Variants in ADCY10 observed in about 807,000 individuals in gnomAD.
ADCY10 encodes adenylate cyclase type 10.
In ADCY10, 156 loss-of-function variants were observed where a neutral mutation model predicts 183.3. The observed-to-expected ratio is 0.85, with a 90% CI of 0.75 to 0.97. The LOEUF (loss-of-function observed/expected upper bound fraction) is 0.97, where lower values mean the gene tolerates loss of function less well. Ranked by LOEUF, ADCY10 falls within the 50% of genes least tolerant of loss-of-function variation. The probability of loss-of-function intolerance (pLI) is 0.00; values close to 1 mark genes in which losing one functional copy is unlikely to be tolerated. For synonymous variants in ADCY10, 645 were observed against 670.0 expected (o/e 0.96, Z 0.58); for missense variants, 1,745 against 1,934.3 (o/e 0.90, Z 1.84).
intron 31 of ADCY10, among the ~76,000 whole-genome samples, chr1:167,816,094 A>G (rs1662513852): frequency 6.6e-6 from 1 of 152,012 alleles, no homozygotes. Flanking sequence ...GGAAAGTAAC[A>G]TCAGAAATAC....
chr1:167,830,122 C>T (rs1486040618), intron 25 of ADCY10, among the ~76,000 whole-genome samples: 6 of 152,160 alleles, frequency 3.9e-5, no homozygotes, highest in Non-Finnish European at 5.9e-5. Context: ...CCTTATCCTA[C>T]CTTAAGTGCC....
At chr1:167,843,042 T>C (rs1664769936) in intron 21 of ADCY10, among the ~76,000 whole-genome samples, 1 of 152,174 alleles carries the variant, frequency 6.6e-6, no homozygotes, top group African/African-American at 2.4e-5. Context: ...TCTGAACAGG[T>C]GAAAAATTCT....
intron 14 of ADCY10, among the ~76,000 whole-genome samples, chr1:167,866,158 G>A (rs537658573): frequency 2.0e-5 from 3 of 152,152 alleles, no homozygotes; most frequent in Non-Finnish European, 2.9e-5. Flanking sequence ...GCACTCTGCC[G>A]AATAACTGGA....
chr1:167,832,951 A>T (rs1403996498), intron 25 of ADCY10, 36 bp downstream of exon 25: 4 of 1,606,692 alleles, frequency 2.5e-6, no homozygotes, highest in Non-Finnish European at 3.4e-6. Flanking sequence ...GGGGAGTGAG[A>T]CTAAACAGTC....
chr1:167,852,516 A>C (rs1009018664), intron 18 of ADCY10, among the ~76,000 whole-genome samples: 2 of 152,184 alleles, frequency 1.3e-5, no homozygotes, highest in African/African-American at 4.8e-5. Flanking sequence ...AAATGTATAA[A>C]ATTTAGAAAT....
At chr1:167,912,632 G>GC (rs1056381956) in intron 1 of ADCY10, among the ~76,000 whole-genome samples, 4 of 152,134 alleles carry the variant, frequency 2.6e-5, no homozygotes, top group African/African-American at 7.2e-5. Context: ...CGGCTTTGGA[G>GC]CCCCCCTCCC....
chr1:167,888,809 G>GAGCGTGCAGTGGGCCGA (rs1668405624), intron 8 of ADCY10, among the ~76,000 whole-genome samples: 1 of 147,980 alleles, frequency 6.8e-6, no homozygotes, highest in Non-Finnish European at 1.5e-5. Context: ...CCGGGAGGCG[G>GAGCGTGCAGTGGGCCGA]AGCGTGCAGT....
At position 167,837,229 on chromosome 1, in the gene ADCY10, A is replaced by G. The variant is rs1258754316; in HGVS notation, c.3077+20T>C. On this transcript the variant is annotated intron_variant, in intron 22 of 32. Coordinates refer to ENST00000367851, the MANE Select transcript of ADCY10 (RefSeq NM_018417.6). ...CAATTATTTATGCTCTACTTCCTAA[A>G]CAATGATATATGCCTCTACCTGCGA... The G allele has an allele frequency of 6.3e-7, 1 of 1,590,638 alleles. No individual in the cohort carries two copies. The highest frequency in any genetic ancestry group is 8.6e-7 in the Non-Finnish European group (1 of 1,158,902).
chr1:167,833,583 T>C (rs1229930556), intron 24 of ADCY10, among the ~76,000 whole-genome samples: 7 of 151,820 alleles, frequency 4.6e-5, no homozygotes, highest in South Asian at 2.1e-4. Flanking sequence ...CCATCTCTAC[T>C]AAAATACAAA....
intron 13 of ADCY10, 40 bp from the exon 14 acceptor site, chr1:167,870,450 C>T (rs767375543): frequency 3.9e-6 from 6 of 1,524,088 alleles, no homozygotes; most frequent in East Asian, 2.3e-5. Flanking sequence ...ACTCAATCAA[C>T]GTAAAATAGT....
intron 31 of ADCY10, among the ~76,000 whole-genome samples, chr1:167,816,915 T>A (rs1662567159): frequency 6.6e-6 from 1 of 152,208 alleles, no homozygotes. Context: ...AAAATTTTCC[T>A]TTTCTTATTC....
chr1:167,818,028 A>C (rs1662633940), intron 31 of ADCY10, 44 bp downstream of exon 31: 1 of 1,555,598 alleles, frequency 6.4e-7, no homozygotes, highest in Admixed American at 1.7e-5. Flanking sequence ...ACAGAGATCC[A>C]TTTAAGGCAT....
At chr1:167,837,225 CT>C in intron 22 of ADCY10, 23 bp downstream of exon 22, 11 of 1,580,984 alleles carry the variant, frequency 7.0e-6, no homozygotes, top group Non-Finnish European at 9.6e-6. Flanking sequence ...GCTCTACTTC[CT>C]AAACAATGAT....
rs750025534 is a variant in ADCY10, at chr1:167,824,825, A to G, written c.3781T>C (p.Tyr1261His). The G allele has an allele frequency of 3.1e-6, 5 of 1,614,272 alleles. No individual in the cohort carries two copies. The Admixed American group carries it at 6.7e-5, about 22-fold the overall frequency. ...CCTTTGTAGCCAGCCAGGTGGTGGT[A>G]TAGCGAATAGTCTAGGTAAGCCTTA... The part of the protein sequence containing the change: ...IIKAYLDYSL[Y>H]HHLAGYKGVW... The change falls in exon 27 of 33, where the codon TAC (tyrosine) becomes CAC (histidine). Residue 1261 changes from tyrosine to histidine, a missense_variant. Tyr to His is a moderately conservative substitution (Grantham distance 83). Coordinates refer to ENST00000367851, the MANE Select transcript of ADCY10 (RefSeq NM_018417.6).
chr1:167,899,795 G>T (rs1465886197), intron 5 of ADCY10, among the ~76,000 whole-genome samples, 167 bp from the exon 6 acceptor site: 1 of 152,128 alleles, frequency 6.6e-6, no homozygotes, highest in African/African-American at 2.4e-5. Flanking sequence ...TTGGGCTCGG[G>T]CCTTCCAAAG....
intron 1 of ADCY10, among the ~76,000 whole-genome samples, chr1:167,909,100 T>C (rs145236336): frequency 1.1e-3 from 169 of 152,342 alleles, no homozygotes; most frequent in East Asian, 6.4e-3. Flanking sequence ...GTAACCTTTC[T>C]TATTTCTAAC....
chr1:167,892,756 G>T (rs184954976), intron 8 of ADCY10, among the ~76,000 whole-genome samples: 84 of 152,270 alleles, frequency 5.5e-4, no homozygotes, highest in African/African-American at 1.9e-3. Context: ...ACAGGCCTTT[G>T]TTACAAAGAT....
At chr1:167,841,286 G>A (rs1028405143) in intron 21 of ADCY10, among the ~76,000 whole-genome samples, 3 of 151,954 alleles carry the variant, frequency 2.0e-5, no homozygotes, top group African/African-American at 7.3e-5. Context: ...GTATAGAATG[G>A]AAGGGCCACG....
intron 21 of ADCY10, among the ~76,000 whole-genome samples, chr1:167,844,587 TAA>T: frequency 6.6e-6 from 1 of 152,270 alleles, no homozygotes. Context: ...TGGTATTGGG[TAA>T]GTTACTTAAG....
Sources: allele counts gnomAD v4.1 joint callset (sites outside exome capture counted in the v4.1 genomes callset), GRCh38; gene constraint gnomAD v4.1.1; transcripts MANE v1.5; gene names NCBI Gene and HGNC (gene_info 2026-07-23, HGNC 2026-07-21).